RPS6KA5: variants seen among roughly 807,000 people sequenced by gnomAD.
RPS6KA5 encodes the protein ribosomal protein S6 kinase A5.
RPS6KA5 carries 27 observed loss-of-function variants against 85.5 expected under a neutral mutation model. The ratio of observed to expected loss-of-function variants is 0.32; its 90% CI spans 0.23 to 0.44. The LOEUF (loss-of-function observed/expected upper bound fraction) is 0.44, where lower values mean the gene tolerates loss of function less well. Ranked by LOEUF, RPS6KA5 falls within the 20% of genes least tolerant of loss-of-function variation. The pLI is 1.00. For missense variants in RPS6KA5, 811 were observed against 980.9 expected, an observed-to-expected ratio of 0.83 and a Z score of 2.31; for synonymous variants, 334 against 348.2, an observed-to-expected ratio of 0.96 and a Z score of 0.46.
intron 11 of RPS6KA5, among the ~76,000 whole-genome samples, 163 bp downstream of exon 11, chr14:90,899,945 A>G (rs559201130): frequency 6.6e-6 from 1 of 152,366 alleles, no homozygotes; most frequent in Admixed American, 6.5e-5. Flanking sequence ...GAAAATATCA[A>G]TTAGAGCTAA....
In RPS6KA5 at chr14:90,857,533, T is replaced by C. The variant is rs2032341447; in HGVS notation, c.*14541A>G. ...AGTTTCAACTCAAATTGTCAAATAA[T>C]TGTGCTCCCGGTGAGATTTTTATGT... On this transcript the variant is annotated 3_prime_UTR_variant, in exon 17 of 17. Coordinates refer to ENST00000614987, the MANE Select transcript of RPS6KA5 (RefSeq NM_004755.4). 1 of 152,222 alleles carries C rather than the reference T, an allele frequency of 6.6e-6. No homozygotes were observed. Among genetic ancestry groups the C allele is most frequent in the Non-Finnish European group, 1.5e-5 (1 of 68,040 alleles). The allele number at this position is 152,222 out of a possible 1,614,324, so 9.4% of individuals were successfully genotyped here. A position where few individuals can be genotyped will look rare whatever the true frequency, so the allele number is the denominator to read the frequency against.
At position 90,848,567 on chromosome 14, in the gene RPS6KA5, T is replaced by C. The variant is rs1184543577; in HGVS notation, c.*23507A>G. 1.3e-5 allele frequency: 2 copies of C among 151,912 alleles called. No individual in the cohort carries two copies. Among genetic ancestry groups the C allele is most frequent in the African/African-American group, 4.8e-5 (2 of 41,348 alleles). The allele number at this position is 151,912 out of a possible 1,614,324, so 9.4% of individuals were successfully genotyped here. A position where few individuals can be genotyped will look rare whatever the true frequency, so the allele number is the denominator to read the frequency against. ...TTAATGTGAATAAAATAAAGGAAAA[T>C]GACATAAAATGAAGATACAAAATAA... On this transcript the variant is annotated 3_prime_UTR_variant, in exon 17 of 17. Coordinates refer to ENST00000614987, the MANE Select transcript of RPS6KA5 (RefSeq NM_004755.4).
intron 3 of RPS6KA5, among the ~76,000 whole-genome samples, chr14:90,947,835 A>T (rs1016756646): frequency 2.2e-4 from 34 of 152,254 alleles, no homozygotes; most frequent in Non-Finnish European, 7.3e-5. Flanking sequence ...CAAATACAGC[A>T]TATCAGAAAC....
chr14:90,896,399 C>T (rs147193316), intron 12 of RPS6KA5, among the ~76,000 whole-genome samples: 141 of 152,274 alleles, frequency 9.3e-4, no homozygotes, highest in Admixed American at 3.5e-3. Flanking sequence ...AAAATGTATG[C>T]GTGGTAGAGC....
chr14:90,892,062 G>T (rs1178907458), intron 13 of RPS6KA5, among the ~76,000 whole-genome samples: 4 of 151,008 alleles, frequency 2.6e-5, no homozygotes, highest in African/African-American at 9.8e-5. Context: ...GCAGTGGTGC[G>T]ATCTTGGCTC....
intron 9 of RPS6KA5, among the ~76,000 whole-genome samples, chr14:90,901,672 A>C (rs1316590285): frequency 6.6e-6 from 1 of 152,226 alleles, no homozygotes; most frequent in Non-Finnish European, 1.5e-5. Flanking sequence ...GCAAAGAAGA[A>C]AAGACACCGT....
chr14:91,044,504 G>A (rs1333815066), intron 1 of RPS6KA5, among the ~76,000 whole-genome samples: 1 of 152,132 alleles, frequency 6.6e-6, no homozygotes, highest in Non-Finnish European at 1.5e-5. Context: ...CGTACCTAGA[G>A]GTCAGACAGA....
intron 1 of RPS6KA5, among the ~76,000 whole-genome samples, chr14:91,013,406 G>A (rs1276917685): frequency 1.3e-5 from 2 of 152,102 alleles, no homozygotes; most frequent in African/African-American, 4.8e-5. Context: ...GAGCATAAGA[G>A]AGCATCTCAG....
At chr14:91,052,400 G>T (rs1481711995) in intron 1 of RPS6KA5, 1 of 379,620 alleles carries the variant, frequency 2.6e-6, no homozygotes, top group African/African-American at 2.3e-5. Flanking sequence ...CCCAGGAGGC[G>T]GAGGTTATAG....
At chr14:90,940,751 A>C (rs144253778) in intron 5 of RPS6KA5, among the ~76,000 whole-genome samples, 40 of 152,300 alleles carry the variant, frequency 2.6e-4, no homozygotes, top group African/African-American at 8.9e-4. Context: ...GCACAGCAGG[A>C]GGTGAGCAGC....
At chr14:91,048,259 G>T (rs2042948321) in intron 1 of RPS6KA5, among the ~76,000 whole-genome samples, 2 of 152,044 alleles carry the variant, frequency 1.3e-5, no homozygotes, top group African/African-American at 4.8e-5. Context: ...AAGAATTAAT[G>T]ATATAATTAT....
intron 1 of RPS6KA5, among the ~76,000 whole-genome samples, chr14:91,014,101 T>C (rs1392253205): frequency 6.6e-6 from 1 of 152,166 alleles, no homozygotes; most frequent in Non-Finnish European, 1.5e-5. Context: ...CTGTTAAAAC[T>C]CACAGAACCA....
chr14:90,918,544 GT>G (rs1269393781), intron 7 of RPS6KA5, among the ~76,000 whole-genome samples: 2 of 152,154 alleles, frequency 1.3e-5, no homozygotes, highest in Non-Finnish European at 2.9e-5. Context: ...ATTTATTAAT[GT>G]TTTATGGATT....
intron 1 of RPS6KA5, among the ~76,000 whole-genome samples, chr14:91,004,456 G>C (rs2040922406): frequency 6.6e-6 from 1 of 152,208 alleles, no homozygotes; most frequent in Non-Finnish European, 1.5e-5. Context: ...AGTCCTCAAA[G>C]TTATTGTCTG....
At chr14:90,937,733 G>GA (rs1362678081) in intron 5 of RPS6KA5, among the ~76,000 whole-genome samples, 1 of 152,100 alleles carries the variant, frequency 6.6e-6, no homozygotes, top group Non-Finnish European at 1.5e-5. Flanking sequence ...ACTTGTGCAG[G>GA]AAAACTCCCG....
chr14:90,984,540 CT>C (rs1409504979), intron 2 of RPS6KA5, among the ~76,000 whole-genome samples: 6 of 152,294 alleles, frequency 3.9e-5, no homozygotes, highest in Middle Eastern at 6.8e-3. Context: ...TCTATTCTAC[CT>C]GATGTAGACA....
At chr14:90,948,434 C>T (rs1008263921) in intron 3 of RPS6KA5, among the ~76,000 whole-genome samples, 12 of 152,174 alleles carry the variant, frequency 7.9e-5, no homozygotes, top group Non-Finnish European at 1.8e-4. Context: ...CAGTGGCTCA[C>T]GCCTGTAATC....
intron 5 of RPS6KA5, among the ~76,000 whole-genome samples, chr14:90,928,687 T>C (rs1307124262): frequency 1.4e-5 from 2 of 147,056 alleles, no homozygotes; most frequent in African/African-American, 2.5e-5. Flanking sequence ...TACTTGTAAA[T>C]ATTTTAAAAA....
At chr14:91,052,403 G>A (rs1474892335) in intron 1 of RPS6KA5, 7 of 377,516 alleles carry the variant, frequency 1.9e-5, no homozygotes, top group Non-Finnish European at 3.6e-5. Context: ...AGGAGGCGGA[G>A]GTTATAGTGA....
Sources: allele counts gnomAD v4.1 joint callset (sites outside exome capture counted in the v4.1 genomes callset), GRCh38; gene constraint gnomAD v4.1.1; transcripts MANE v1.5; gene names NCBI Gene and HGNC (gene_info 2026-07-23, HGNC 2026-07-21).